SYN2: variants seen among roughly 807,000 people sequenced by gnomAD.
The protein encoded by SYN2 is synapsin-2.
Under a neutral mutation model 50.9 loss-of-function variants are expected in SYN2, and 19 were observed. The ratio of observed to expected loss-of-function variants is 0.37; its 90% CI spans 0.26 to 0.55. The LOEUF (loss-of-function observed/expected upper bound fraction) is 0.55. Ranked by LOEUF, SYN2 falls within the 20% of genes least tolerant of loss-of-function variation. SYN2 has a pLI of 0.81. For synonymous variants in SYN2, 255 were observed against 224.9 expected, an observed-to-expected ratio of 1.13 and a Z score of -1.20; for missense variants, 587 against 576.4, an observed-to-expected ratio of 1.02 and a Z score of -0.19.
At chr3:12,063,242 T>C (rs75140719) in intron 1 of SYN2, among the ~76,000 whole-genome samples, 3,602 of 152,092 alleles carry the variant, frequency 0.024, 56 homozygotes, top group Non-Finnish European at 0.036. Flanking sequence ...AAAAAATCAC[T>C]TAGGGGATTG....
At chr3:12,145,348 G>A (rs1288285109) in intron 3 of SYN2, among the ~76,000 whole-genome samples, 1 of 152,210 alleles carries the variant, frequency 6.6e-6, no homozygotes, top group Non-Finnish European at 1.5e-5. Flanking sequence ...AAAAGCCTGG[G>A]CAACAAAGTA....
intron 3 of SYN2, 72 bp downstream of exon 3, chr3:12,142,068 T>C: frequency 1.3e-6 from 1 of 767,248 alleles, no homozygotes; most frequent in Non-Finnish European, 2.4e-6. Context: ...AAAGAGGTGG[T>C]TTCTAAGTCA....
At chr3:12,035,650 G>C (rs1021914513) in intron 1 of SYN2, among the ~76,000 whole-genome samples, 1 of 152,186 alleles carries the variant, frequency 6.6e-6, no homozygotes, top group African/African-American at 2.4e-5. Flanking sequence ...TCTCAAGAGT[G>C]GGGGCCTGCA....
At chr3:12,169,606 G>T in intron 9 of SYN2, 151 bp from the exon 10 acceptor site, 1 of 851,292 alleles carries the variant, frequency 1.2e-6, no homozygotes, top group African/African-American at 1.7e-5. Flanking sequence ...TCCTATTTCT[G>T]CAAATGATCA....
rs554141396 is a variant in SYN2, at chr3:12,154,570, G to A, written c.774+3244G>A. The A allele has an allele frequency of 2.5e-4, 275 of 1,103,294 alleles. 2 individuals carry two copies. In the South Asian group the frequency reaches 3.9e-3, roughly 16 times the overall value. 68.3% of individuals were successfully genotyped at this position (1,103,294 alleles called of 1,614,324 possible). A position where few individuals can be genotyped will look rare whatever the true frequency, so the allele number is the denominator to read the frequency against. On this transcript the variant is annotated intron_variant, in intron 5 of 12. Coordinates refer to ENST00000621198, the MANE Select transcript of SYN2 (RefSeq NM_133625.6). ...CCCAATGACTTTGGTGGCAGTGGTG[G>A]CATGGGGCTCAGTGAAGGGACCAAT...
At chr3:12,174,393 A>G (rs1185376094) in intron 10 of SYN2, among the ~76,000 whole-genome samples, 2 of 151,990 alleles carry the variant, frequency 1.3e-5, no homozygotes, top group Non-Finnish European at 2.9e-5. Context: ...TTTCCCTTGT[A>G]CTATCCTAAC....
rs907928638 is a variant in SYN2, at chr3:12,140,799, T to C, written c.435+91T>C. ...AACCATCTCGTTCTGCTGAGTGGAA[T>C]ACTGTGTCCATCATTGGGTTCTGGA... On this transcript the variant is annotated intron_variant, in intron 2 of 12. Transcript: ENST00000621198. The C allele has an allele frequency of 7.0e-6, 5 of 715,606 alleles. No homozygotes were observed. The Admixed American group carries it at 1.0e-4, about 14-fold the overall frequency. The allele number at this position is 715,606 out of a possible 1,614,324, so 44.3% of individuals were successfully genotyped here. A position where few individuals can be genotyped will look rare whatever the true frequency, so the allele number is the denominator to read the frequency against.
chr3:12,020,880 A>G (rs7625026), intron 1 of SYN2, among the ~76,000 whole-genome samples: 13,807 of 152,256 alleles, frequency 0.091, 2,055 homozygotes, highest in African/African-American at 0.31. Context: ...AATGTAATAA[A>G]GTATGATTTA....
intron 1 of SYN2, among the ~76,000 whole-genome samples, chr3:12,034,748 G>A (rs1333379250): frequency 1.3e-5 from 2 of 152,110 alleles, no homozygotes; most frequent in African/African-American, 4.8e-5. Flanking sequence ...CTTTCATTAG[G>A]CCCACCTCAT....
At chr3:12,098,978 T>C (rs1696009684) in intron 1 of SYN2, among the ~76,000 whole-genome samples, 1 of 151,380 alleles carries the variant, frequency 6.6e-6, no homozygotes. Context: ...AAGAAGAGCA[T>C]GATATATTGA....
rs115043966 is a variant in SYN2, at chr3:12,126,415, A to G, written c.378-14236A>G. ...CTTTCATGCTGTACTACCTTTGTTA[A>G]AGTCACTTGAAATGCCCTTTCCACA... On this transcript the variant is annotated intron_variant, in intron 1 of 12. Coordinates refer to ENST00000621198, the MANE Select transcript of SYN2 (RefSeq NM_133625.6). Among the ~76,000 whole-genome samples the G allele has an allele frequency of 2.3e-3, 343 of 152,322 alleles. 1 individual carries two copies. Among genetic ancestry groups the G allele is most frequent in the African/African-American group, 7.8e-3 (324 of 41,572 alleles).
intron 1 of SYN2, among the ~76,000 whole-genome samples, chr3:12,056,282 G>T (rs1694986375): frequency 6.6e-6 from 1 of 152,064 alleles, no homozygotes; most frequent in African/African-American, 2.4e-5. Flanking sequence ...ACCTTTGCGG[G>T]GAAGGAGGGG....
chr3:12,045,123 C>T (rs1008116816), intron 1 of SYN2, among the ~76,000 whole-genome samples: 4 of 152,060 alleles, frequency 2.6e-5, no homozygotes, highest in Admixed American at 6.6e-5. Flanking sequence ...AAGTTCCAAC[C>T]CTGTCTCATT....
chr3:12,152,714 G>A (rs1273081007), intron 5 of SYN2, among the ~76,000 whole-genome samples: 1 of 152,180 alleles, frequency 6.6e-6, no homozygotes, highest in African/African-American at 2.4e-5. Context: ...AAAAGGCTTT[G>A]TGGCTTTTAA....
At chr3:12,143,660 A>C (rs11721223) in intron 3 of SYN2, among the ~76,000 whole-genome samples, 1 of 151,930 alleles carries the variant, frequency 6.6e-6, no homozygotes, top group African/African-American at 2.4e-5. Context: ...GGTGTATGCT[A>C]TATATATTTT....
chr3:12,135,247 C>G (rs1181886889), intron 1 of SYN2, among the ~76,000 whole-genome samples: 1 of 152,170 alleles, frequency 6.6e-6, no homozygotes, highest in Admixed American at 6.5e-5. Context: ...CGCTCACAAA[C>G]TTGCACCAGG....
In SYN2 at chr3:12,190,557, G is replaced by A. The variant is rs1399440317; in HGVS notation, c.1681G>A (p.Glu561Lys). The change falls in exon 13 of 13, where the codon GAG (glutamate) becomes AAG (lysine). Residue 561 changes from glutamate to lysine, a missense_variant. Glu to Lys is a moderately conservative substitution (Grantham distance 56). Transcript: ENST00000621198. The part of the protein sequence containing the change: ...ESSFFRSSAN[E>K]DEAKAETIRS... ...CTCCTTCTTCCGGTCTTCAGCCAATGAGGATGAAGCCAAAGCAGAGACCAT... is the reference window on the plus strand; with the variant it reads ...CTCCTTCTTCCGGTCTTCAGCCAATAAGGATGAAGCCAAAGCAGAGACCAT... 1.2e-6 allele frequency: 2 copies of A among 1,613,470 alleles called. No homozygotes were observed. Among genetic ancestry groups the A allele is most frequent in the South Asian group, 1.1e-5 (1 of 90,970 alleles).
intron 12 of SYN2, among the ~76,000 whole-genome samples, chr3:12,190,216 G>T (rs1027235900): frequency 1.1e-4 from 17 of 152,228 alleles, no homozygotes; most frequent in South Asian, 4.1e-4. Flanking sequence ...CCTTTGAGTC[G>T]CCTCTTCCTC....
chr3:12,187,182 C>G (rs1204425708), intron 11 of SYN2, among the ~76,000 whole-genome samples, 187 bp from the exon 12 acceptor site: 2 of 152,178 alleles, frequency 1.3e-5, no homozygotes, highest in East Asian at 3.9e-4. Flanking sequence ...TGAGGAGAAG[C>G]ACTTAGTGGC....
Sources: gnomAD v4.1 joint callset for allele counts (sites outside exome capture counted in the v4.1 genomes callset) on GRCh38, gnomAD v4.1.1 for gene constraint, MANE v1.5 for transcripts, NCBI Gene and HGNC (gene_info 2026-07-23, HGNC 2026-07-21) for gene names.